ZNF599: variants seen among roughly 807,000 people sequenced by gnomAD.
ZNF599 encodes the protein zinc finger protein 599.
Under a neutral mutation model 11.7 loss-of-function variants are expected in ZNF599, and 10 were observed. The ratio of observed to expected loss-of-function variants is 0.86; its 90% CI spans 0.53 to 1.45. The LOEUF is 1.45. ZNF599 is among the 40% of genes most tolerant of loss of function. The pLI is 0.00. For synonymous variants in ZNF599, 232 were observed against 253.2 expected (o/e 0.92, Z 0.79); for missense variants, 688 against 713.6 (o/e 0.96, Z 0.41).
chr19:34,777,577 TTA>T (rs1012766281), upstream of ZNF599, among the ~76,000 whole-genome samples: 278 of 128,858 alleles, frequency 2.2e-3, 2 homozygotes, highest in Non-Finnish European at 3.2e-3. Context: ...AAATATATAT[TTA>T]TATATATCAT....
the ZNF599 span, among the ~76,000 whole-genome samples, chr19:34,785,550 T>C: frequency 6.6e-6 from 1 of 152,100 alleles, no homozygotes. Context: ...GACTCCCCAG[T>C]GATGATGGAA....
At chr19:34,766,332 G>T (rs1195377872) in intron 3 of ZNF599, among the ~76,000 whole-genome samples, 2 of 152,156 alleles carry the variant, frequency 1.3e-5, no homozygotes, top group Admixed American at 1.3e-4. Context: ...GAAAACAACA[G>T]GGCTAGGGAG....
intron 2 of ZNF599, 73 bp downstream of exon 2, chr19:34,769,356 A>C (rs1600158955): frequency 2.5e-6 from 4 of 1,608,812 alleles, no homozygotes; most frequent in Non-Finnish European, 2.6e-6. Context: ...AGGCTCCTGG[A>C]CCAGCCATGC....
the ZNF599 span, among the ~76,000 whole-genome samples, chr19:34,800,618 C>T: frequency 1.1e-3 from 118 of 103,324 alleles, no homozygotes; most frequent in African/African-American, 4.0e-3. Flanking sequence ...TTTTTTGAGA[C>T]GGAGTGTCGC....
rs764143876 is a variant in ZNF599, at chr19:34,759,671, C to G, written c.1130G>C (p.Cys377Ser). The change falls in exon 4 of 4, where the codon TGC becomes TCC. Residue 377 changes from cysteine (C) to serine (S), a missense_variant. Cys to Ser is a moderately radical substitution (Grantham distance 112). Coordinates refer to ENST00000329285, the MANE Select transcript of ZNF599 (RefSeq NM_001007248.3). ...GTGCTGAGTGAAGGATGAGTTGAGGCAAAAGGTTTTTCCACATTCTTTACA... is the reference window on the plus strand; with the variant it reads ...GTGCTGAGTGAAGGATGAGTTGAGGGAAAAGGTTTTTCCACATTCTTTACA... ...FLCKECGKTF[C>S]LNSSFTQHMR... 2 of 1,614,040 alleles carry G rather than the reference C, an allele frequency of 1.2e-6. No homozygotes were observed. Among genetic ancestry groups the G allele is most frequent in the South Asian group, 2.2e-5 (2 of 91,072 alleles).
the ZNF599 span, among the ~76,000 whole-genome samples, chr19:34,796,962 C>A: frequency 7.2e-5 from 10 of 138,458 alleles, no homozygotes; most frequent in Non-Finnish European, 1.1e-4. Flanking sequence ...ATCCCTCCCC[C>A]CTCCCTCCAC....
chr19:34,795,816 C>CTTTTCT, the ZNF599 span, among the ~76,000 whole-genome samples: 7,469 of 151,864 alleles, frequency 0.049, 573 homozygotes, highest in African/African-American at 0.17. Context: ...TGTGCATTTT[C>CTTTTCT]TTTTCTTTTT....
At chr19:34,777,403 T>TAATTA (rs1491215108), upstream of ZNF599, among the ~76,000 whole-genome samples, 950 of 87,870 alleles carry the variant, frequency 0.011, 8 homozygotes, top group South Asian at 0.028. Context: ...TAATATATAT[T>TAATTA]ATATATAATA....
upstream of ZNF599, among the ~76,000 whole-genome samples, chr19:34,777,494 T>C (rs2069226634): frequency 1.8e-5 from 2 of 109,326 alleles, no homozygotes; most frequent in Non-Finnish European, 3.5e-5. Context: ...TAATATATGA[T>C]ATATATTAAT....
At chr19:34,779,354 G>A in the ZNF599 span, 1 of 329,716 alleles carries the variant, frequency 3.0e-6, no homozygotes, top group Non-Finnish European at 5.9e-6. Flanking sequence ...TACTGCCTTG[G>A]CCACCCTAAC....
At chr19:34,780,654 GGGGA>G in the ZNF599 span, among the ~76,000 whole-genome samples, 4 of 139,374 alleles carry the variant, frequency 2.9e-5, no homozygotes, top group African/African-American at 1.1e-4. Context: ...AAAGAGAGAG[GGGGA>G]GGGAGGGAAG....
rs2069102658 is a variant in ZNF599 at position 34,760,179 on chromosome 19, AC to A, written c.621del (p.Phe208LeufsTer17). On this transcript the variant is annotated frameshift_variant, in exon 4 of 4. Coordinates refer to ENST00000329285, the MANE Select transcript of ZNF599 (RefSeq NM_001007248.3). LOFTEE classifies it low-confidence loss of function (END_TRUNC). ...CGAACAAGGGCCCACTTCTTGCTAA[AC>A]CCTTTCCCACATTCCGTGCATGTGT... Reference protein sequence around the residue: ...NPYTCTECGKGFSKKWALVRH... With the variant: ...NPYTCTECGKXFSKKWALVRH... The A allele has an allele frequency of 6.2e-7, 1 of 1,613,970 alleles. No homozygotes were observed. Among genetic ancestry groups the A allele is most frequent in the Non-Finnish European group, 8.5e-7 (1 of 1,180,022 alleles).
At chr19:34,806,142 G>A in the ZNF599 span, among the ~76,000 whole-genome samples, 4 of 152,142 alleles carry the variant, frequency 2.6e-5, no homozygotes, top group Non-Finnish European at 2.9e-5. Context: ...TGTGGCCACA[G>A]GAACCTGTGG....
the ZNF599 span, among the ~76,000 whole-genome samples, chr19:34,781,407 T>A: frequency 3.3e-5 from 5 of 152,280 alleles, no homozygotes; most frequent in African/African-American, 9.6e-5. Context: ...GAGAGAGCCC[T>A]TGCTTACCTT....
the ZNF599 span, among the ~76,000 whole-genome samples, chr19:34,785,728 C>T: frequency 2.0e-5 from 3 of 152,250 alleles, no homozygotes; most frequent in African/African-American, 4.8e-5. Context: ...ATGTGAGAAG[C>T]GGGAGACTGG....
At chr19:34,785,305 C>T in the ZNF599 span, among the ~76,000 whole-genome samples, 1 of 152,166 alleles carries the variant, frequency 6.6e-6, no homozygotes, top group African/African-American at 2.4e-5. Context: ...TTAGCGAACA[C>T]CACTTACCTG....
the ZNF599 span, among the ~76,000 whole-genome samples, chr19:34,787,953 AT>A: frequency 8.3e-4 from 127 of 152,342 alleles, no homozygotes; most frequent in African/African-American, 2.8e-3. Flanking sequence ...CCAACTGTGG[AT>A]TAAAAATACT....
At position 34,758,829 on chromosome 19, in the gene ZNF599, A is replaced by G; in HGVS notation, c.*205T>C. 1.7e-6 allele frequency: 1 copy of G among 575,382 alleles called. No individual in the cohort carries two copies. Among genetic ancestry groups the G allele is most frequent in the Non-Finnish European group, 3.0e-6 (1 of 331,786 alleles). The allele number at this position is 575,382 out of a possible 1,614,324, so 35.6% of individuals were successfully genotyped here. On this transcript the variant is annotated 3_prime_UTR_variant, in exon 4 of 4. Transcript: ENST00000329285. ...GCTCTAAACTGGGTGAATCTTTAAT[A>G]TAATTCTTTGGATGACAAGTGATTA...
At chr19:34,795,302 G>A in the ZNF599 span, among the ~76,000 whole-genome samples, 2 of 152,090 alleles carry the variant, frequency 1.3e-5, no homozygotes, top group Non-Finnish European at 2.9e-5. Flanking sequence ...TTGAGACAAG[G>A]TCTCACTCTG....
Sources: allele counts gnomAD v4.1 joint callset (sites outside exome capture counted in the v4.1 genomes callset), GRCh38; gene constraint gnomAD v4.1.1; transcripts MANE v1.5; gene names NCBI Gene and HGNC (gene_info 2026-07-23, HGNC 2026-07-21).